Variants in CCSER1 observed in about 807,000 individuals in gnomAD.
CCSER1 encodes the protein serine-rich coiled-coil domain-containing protein 1.
Under a neutral mutation model 82.0 loss-of-function variants are expected in CCSER1, and 41 were observed. The ratio of observed to expected loss-of-function variants is 0.50; its 90% CI spans 0.39 to 0.65. The LOEUF is 0.65. CCSER1 is among the 30% of genes least tolerant of loss of function. The pLI, the probability that CCSER1 is intolerant of heterozygous loss-of-function variation, is 0.00. For missense variants in CCSER1, 1,119 were observed against 1,064.2 expected (o/e 1.05, Z -0.72); for synonymous variants, 414 against 383.9 (o/e 1.08, Z -0.92).
At chr4:90,575,019 T>C (rs1780583679) in intron 5 of CCSER1, among the ~76,000 whole-genome samples, 1 of 151,824 alleles carries the variant, frequency 6.6e-6, no homozygotes, top group Admixed American at 6.6e-5. Context: ...TCTACTGCCT[T>C]TAAGTTTTTG....
At chr4:91,225,368 TGTAATATATATGATATA>T (rs1738105419) in intron 10 of CCSER1, among the ~76,000 whole-genome samples, 1 of 136,774 alleles carries the variant, frequency 7.3e-6, no homozygotes, top group African/African-American at 2.8e-5. Context: ...ATATTATATA[TGTAATATATATGATATA>T]ATATATATAT....
chr4:91,448,796 G>A (rs1212468011), intron 10 of CCSER1, among the ~76,000 whole-genome samples: 1 of 152,020 alleles, frequency 6.6e-6, no homozygotes, highest in Non-Finnish European at 1.5e-5. Context: ...TGTAGGAACT[G>A]GTAATACAAC....
At chr4:90,721,446 C>G (rs1323645191) in intron 6 of CCSER1, among the ~76,000 whole-genome samples, 1 of 151,658 alleles carries the variant, frequency 6.6e-6, no homozygotes. Context: ...CTTCTATGTT[C>G]CCATAGGATT....
chr4:90,158,584 G>A (rs750346808), intron 1 of CCSER1, among the ~76,000 whole-genome samples: 12 of 152,164 alleles, frequency 7.9e-5, no homozygotes, highest in East Asian at 1.9e-4. Flanking sequence ...GGGCAATGGC[G>A]GGCTCCCCTC....
intron 10 of CCSER1, chr4:91,112,750 G>T (rs970612215): frequency 2.6e-5 from 4 of 152,024 alleles, no homozygotes; most frequent in African/African-American, 9.7e-5. Context: ...CTTCTTAATT[G>T]TTTCTCCATC....
At chr4:90,485,504 G>A (rs557893891) in intron 5 of CCSER1, among the ~76,000 whole-genome samples, 88 of 148,944 alleles carry the variant, frequency 5.9e-4, no homozygotes, top group Non-Finnish European at 9.8e-4. Flanking sequence ...TTCCTATTCG[G>A]CCATCTTGGC....
intron 10 of CCSER1, among the ~76,000 whole-genome samples, chr4:91,562,719 A>G (rs1762712049): frequency 6.6e-6 from 1 of 151,586 alleles, no homozygotes; most frequent in Admixed American, 6.6e-5. Context: ...TTGTACTTAT[A>G]GTGATAGCTA....
At chr4:90,414,653 A>G (rs908903442) in intron 4 of CCSER1, among the ~76,000 whole-genome samples, 10 of 152,082 alleles carry the variant, frequency 6.6e-5, no homozygotes, top group African/African-American at 2.4e-4. Flanking sequence ...GAGTCATGCA[A>G]TATGTTAGCA....
chr4:90,954,019 C>T (rs74345122), intron 9 of CCSER1, among the ~76,000 whole-genome samples: 22 of 151,720 alleles, frequency 1.5e-4, no homozygotes, highest in Admixed American at 2.0e-4. Context: ...CTTCTACTAT[C>T]GGATTGAATG....
intron 10 of CCSER1, among the ~76,000 whole-genome samples, chr4:91,120,968 C>G (rs1727033302): frequency 6.6e-6 from 1 of 151,908 alleles, no homozygotes; most frequent in African/African-American, 2.4e-5. Flanking sequence ...ATAAACACCT[C>G]TCTTCTCTCT....
At chr4:90,963,268 G>T (rs1012725210) in intron 9 of CCSER1, among the ~76,000 whole-genome samples, 4 of 152,110 alleles carry the variant, frequency 2.6e-5, no homozygotes, top group African/African-American at 7.2e-5. Context: ...AATCTCCGAG[G>T]ATGTGATCTA....
At chr4:91,509,448 G>T (rs1223852074) in intron 10 of CCSER1, among the ~76,000 whole-genome samples, 1 of 151,790 alleles carries the variant, frequency 6.6e-6, no homozygotes, top group Non-Finnish European at 1.5e-5. Context: ...AATATATTTT[G>T]TATGGCTTTA....
chr4:90,570,528 G>A (rs570885714), intron 5 of CCSER1, among the ~76,000 whole-genome samples: 2 of 152,196 alleles, frequency 1.3e-5, no homozygotes, highest in East Asian at 3.9e-4. Context: ...CAAGCACAGG[G>A]GACTGATGGT....
chr4:90,268,051 A>C (rs1725557014), intron 1 of CCSER1, among the ~76,000 whole-genome samples: 1 of 152,224 alleles, frequency 6.6e-6, no homozygotes, highest in Non-Finnish European at 1.5e-5. Flanking sequence ...ATATTCAGTT[A>C]AAATATTCCT....
intron 10 of CCSER1, among the ~76,000 whole-genome samples, chr4:91,113,373 G>A (rs1323057782): frequency 6.6e-6 from 1 of 152,180 alleles, no homozygotes; most frequent in African/African-American, 2.4e-5. Context: ...CCTTTACTGA[G>A]GACCTACTGT....
At chr4:90,914,940 A>C (rs941534709) in intron 8 of CCSER1, among the ~76,000 whole-genome samples, 2 of 152,192 alleles carry the variant, frequency 1.3e-5, no homozygotes. Flanking sequence ...TCCAGGACAC[A>C]TACAGCCTCC....
chr4:90,181,893 A>C (rs181127147), intron 1 of CCSER1, among the ~76,000 whole-genome samples: 36 of 152,122 alleles, frequency 2.4e-4, no homozygotes, highest in Non-Finnish European at 4.7e-4. Context: ...CACAGCCCAT[A>C]AAAGAAGTCA....
intron 10 of CCSER1, among the ~76,000 whole-genome samples, chr4:91,295,982 A>C (rs1200613208): frequency 6.6e-6 from 1 of 151,972 alleles, no homozygotes; most frequent in East Asian, 1.9e-4. Context: ...GCCTTCTATA[A>C]GTATAGCGGT....
chr4:91,501,552 T>C (rs1759213154), intron 10 of CCSER1, among the ~76,000 whole-genome samples: 1 of 152,084 alleles, frequency 6.6e-6, no homozygotes, highest in Non-Finnish European at 1.5e-5. Flanking sequence ...GGTATTTATT[T>C]GTATCTTTTC....
Sources: allele counts gnomAD v4.1 joint callset (sites outside exome capture counted in the v4.1 genomes callset), GRCh38; gene constraint gnomAD v4.1.1; transcripts MANE v1.5; gene names NCBI Gene and HGNC (gene_info 2026-07-23, HGNC 2026-07-21).